Variants in CEP128 observed in about 807,000 individuals in gnomAD.
CEP128 encodes centrosomal protein 128kDa.
CEP128 carries 132 observed loss-of-function variants against 156.7 expected under a neutral mutation model. That is an observed-to-expected ratio of 0.84 (90% confidence interval 0.73 to 0.97). The LOEUF (loss-of-function observed/expected upper bound fraction) is 0.97, where lower values mean the gene tolerates loss of function less well. Among genes scored for constraint, CEP128 ranks in the 50% least tolerant of loss-of-function variants. The probability of loss-of-function intolerance (pLI) is 0.00; values close to 1 mark genes in which losing one functional copy is unlikely to be tolerated. For missense variants in CEP128, 1,252 were observed against 1,281.9 expected, an observed-to-expected ratio of 0.98 and a Z score of 0.36; for synonymous variants, 469 against 448.9, an observed-to-expected ratio of 1.04 and a Z score of -0.57.
chr14:80,882,182 A>G (rs957031961), intron 8 of CEP128, among the ~76,000 whole-genome samples: 1 of 152,100 alleles, frequency 6.6e-6, no homozygotes, highest in African/African-American at 2.4e-5. Context: ...TCTGACAATA[A>G]ATTAATAATC....
intron 2 of CEP128, among the ~76,000 whole-genome samples, chr14:80,937,553 G>C (rs1885879018): frequency 2.0e-5 from 3 of 151,900 alleles, no homozygotes; most frequent in African/African-American, 7.3e-5. Flanking sequence ...AAAAGAATAA[G>C]AAAAAAATAT....
intron 4 of CEP128, among the ~76,000 whole-genome samples, chr14:80,907,484 C>T (rs1883953273): frequency 6.6e-6 from 1 of 151,968 alleles, no homozygotes; most frequent in East Asian, 1.9e-4. Flanking sequence ...ATGGTGAAAC[C>T]TCGTCTCTCC....
At chr14:80,843,767 C>T (rs1274549752) in intron 9 of CEP128, among the ~76,000 whole-genome samples, 2 of 151,846 alleles carry the variant, frequency 1.3e-5, no homozygotes, top group Non-Finnish European at 2.9e-5. Flanking sequence ...GGGACATTTT[C>T]AATCAAGCAA....
intron 14 of CEP128, among the ~76,000 whole-genome samples, chr14:80,785,891 C>G (rs327464): frequency 0.51 from 77,291 of 151,912 alleles, 20,338 homozygotes; most frequent in African/African-American, 0.62. Context: ...AAACTTACTA[C>G]AGGTTGAAAT....
At chr14:80,758,057 T>C (rs1899758427) in intron 17 of CEP128, among the ~76,000 whole-genome samples, 1 of 152,232 alleles carries the variant, frequency 6.6e-6, no homozygotes. Context: ...AATACACTTT[T>C]ATTATTCTTT....
chr14:80,601,210 T>A (rs535813080), intron 19 of CEP128, among the ~76,000 whole-genome samples: 3 of 152,214 alleles, frequency 2.0e-5, no homozygotes, highest in East Asian at 1.9e-4. Flanking sequence ...TACAAACAAC[T>A]AGCAAAATGG....
At chr14:80,762,985 T>G (rs555423091) in intron 16 of CEP128, among the ~76,000 whole-genome samples, 1 of 152,286 alleles carries the variant, frequency 6.6e-6, no homozygotes, top group South Asian at 2.1e-4. Context: ...CTCAATTAAC[T>G]ACATTCATTT....
chr14:80,624,041 G>A (rs1047723293), intron 19 of CEP128, among the ~76,000 whole-genome samples: 1 of 152,082 alleles, frequency 6.6e-6, no homozygotes, highest in Non-Finnish European at 1.5e-5. Flanking sequence ...CCATCTAGCT[G>A]TAGCTTTGTC....
intron 2 of CEP128, among the ~76,000 whole-genome samples, chr14:80,952,345 TAAC>T (rs1174778268): frequency 3.9e-5 from 6 of 152,222 alleles, no homozygotes; most frequent in East Asian, 1.9e-4. Flanking sequence ...ATTTACAAAT[TAAC>T]AACAGAATAT....
At chr14:80,596,848 G>GA (rs902272309) in intron 19 of CEP128, among the ~76,000 whole-genome samples, 3 of 119,836 alleles carry the variant, frequency 2.5e-5, no homozygotes, top group South Asian at 5.2e-4. Context: ...AAAAAGGTGG[G>GA]GGGGGGAGGA....
intron 13 of CEP128, among the ~76,000 whole-genome samples, chr14:80,801,499 C>T (rs1002215221): frequency 1.3e-5 from 2 of 151,438 alleles, no homozygotes; most frequent in Admixed American, 6.6e-5. Context: ...TGAGAAGGAA[C>T]TTAAACATAT....
chr14:80,617,219 C>CCCT lies in CEP128; in HGVS notation c.2807-36797_2807-36796insAGG, dbSNP rs1893254041. ...ATCACTTAACCTATGTGAATATCAT[C>CCCT]TTTTTTTTTTTTTTTTTTTTTTTTT... On this transcript the variant is annotated intron_variant, in intron 19 of 24. Coordinates refer to ENST00000555265, the MANE Select transcript of CEP128 (RefSeq NM_152446.5). Among the ~76,000 whole-genome samples, 64 of 60,192 alleles carry CCCT rather than the reference C, an allele frequency of 1.1e-3. 1 individual carries two copies. The highest frequency in any genetic ancestry group is 1.1e-3 in the Non-Finnish European group (37 of 34,380). The allele number at this position is 60,192 out of a possible 152,430, so 39.5% of individuals were successfully genotyped here.
chr14:80,627,938 C>G (rs530057982), intron 19 of CEP128, among the ~76,000 whole-genome samples: 1 of 152,124 alleles, frequency 6.6e-6, no homozygotes, highest in South Asian at 2.1e-4. Flanking sequence ...TTTCAAGTGA[C>G]CTAACCCATT....
intron 13 of CEP128, among the ~76,000 whole-genome samples, chr14:80,818,950 C>G (rs1037226969): frequency 1.3e-5 from 2 of 152,152 alleles, no homozygotes; most frequent in African/African-American, 4.8e-5. Context: ...AATGGAAGAG[C>G]CCCAGGCCTA....
At chr14:80,588,229 T>G (rs1039781709) in intron 19 of CEP128, among the ~76,000 whole-genome samples, 1 of 152,118 alleles carries the variant, frequency 6.6e-6, no homozygotes, top group Non-Finnish European at 1.5e-5. Context: ...AGTGGAATAA[T>G]GGTATGATAT....
rs533074583 is a variant in CEP128, at chr14:80,706,704, ATCATTATG to A, written c.2806+36363_2806+36370del. Among the ~76,000 whole-genome samples, 54 of 152,202 alleles carry A rather than the reference ATCATTATG, an allele frequency of 3.5e-4. No individual in the cohort carries two copies. In the South Asian group the frequency reaches 0.011, roughly 30 times the overall value. On this transcript the variant is annotated intron_variant, in intron 19 of 24. Coordinates refer to ENST00000555265, the MANE Select transcript of CEP128 (RefSeq NM_152446.5). ...TCTTTTACCAAAGTTGGAGCTTTCA[ATCATTATG>A]TCCTCAAATATTCTTTCAGCACAAC...
chr14:80,627,958 C>A (rs1388015234), intron 19 of CEP128, among the ~76,000 whole-genome samples: 1 of 152,132 alleles, frequency 6.6e-6, no homozygotes, highest in African/African-American at 2.4e-5. Flanking sequence ...TCATCTCACT[C>A]AGGCTGTGTG....
chr14:80,739,516 AACAT>A (rs757353291), intron 19 of CEP128, among the ~76,000 whole-genome samples: 4 of 152,162 alleles, frequency 2.6e-5, no homozygotes, highest in Non-Finnish European at 5.9e-5. Flanking sequence ...CCTTCTACTC[AACAT>A]ACATAATCAG....
intron 19 of CEP128, among the ~76,000 whole-genome samples, chr14:80,727,025 G>A (rs1898045406): frequency 6.6e-6 from 1 of 152,120 alleles, no homozygotes; most frequent in African/African-American, 2.4e-5. Context: ...TAGAGCTGTG[G>A]AAAAGAAATA....
Sources: gnomAD v4.1 joint callset for allele counts (sites outside exome capture counted in the v4.1 genomes callset) on GRCh38, gnomAD v4.1.1 for gene constraint, MANE v1.5 for transcripts, NCBI Gene and HGNC (gene_info 2026-07-23, HGNC 2026-07-21) for gene names.